TRAF3: variants seen among roughly 807,000 people sequenced by gnomAD.
TRAF3 encodes TNF receptor-associated factor 3.
TRAF3 carries 13 observed loss-of-function variants against 62.3 expected under a neutral mutation model. That is an observed-to-expected ratio of 0.21 (90% CI 0.14 to 0.33). The LOEUF is 0.33. Ranked by LOEUF, TRAF3 falls within the 10% of genes least tolerant of loss-of-function variation. The pLI is 1.00. For synonymous variants in TRAF3, 269 were observed against 283.4 expected (o/e 0.95, Z 0.51); for missense variants, 440 against 741.8 (o/e 0.59, Z 4.73).
intron 2 of TRAF3, among the ~76,000 whole-genome samples, chr14:102,860,651 G>A (rs1887627675): frequency 6.6e-6 from 1 of 152,162 alleles, no homozygotes; most frequent in Admixed American, 6.5e-5. Flanking sequence ...ATCAACAAAT[G>A]GCACAGGTCA....
At chr14:102,870,473 C>T in intron 3 of TRAF3, 27 bp downstream of exon 3, 1 of 1,610,600 alleles carries the variant, frequency 6.2e-7, no homozygotes, top group Non-Finnish European at 8.5e-7. Flanking sequence ...GGCCCGTCGC[C>T]CGGCCCCTTC....
chr14:102,892,426 A>G (rs1262347750), intron 9 of TRAF3, among the ~76,000 whole-genome samples: 3 of 152,176 alleles, frequency 2.0e-5, no homozygotes, highest in Non-Finnish European at 2.9e-5. Context: ...TCCTCCAGTA[A>G]TGCTGGTTCT....
intron 3 of TRAF3, 23 bp from the exon 4 acceptor site, chr14:102,871,894 C>T (rs371672851): frequency 9.9e-6 from 16 of 1,612,024 alleles, no homozygotes; most frequent in East Asian, 4.5e-5. Flanking sequence ...CACTCTAATG[C>T]AGTCACTTGT....
intron 1 of TRAF3, among the ~76,000 whole-genome samples, chr14:102,804,186 TA>T (rs1228321563): frequency 7.6e-5 from 11 of 144,812 alleles, no homozygotes; most frequent in Admixed American, 6.9e-5. Flanking sequence ...TGAGACTGTT[TA>T]AAAAAAAAAA....
intron 9 of TRAF3, among the ~76,000 whole-genome samples, chr14:102,892,037 C>T (rs1889747109): frequency 6.6e-6 from 1 of 151,386 alleles, no homozygotes; most frequent in South Asian, 2.1e-4. Flanking sequence ...AGAGACTCTC[C>T]CATGCTGTTC....
At chr14:102,802,015 CA>C (rs1159987063) in intron 1 of TRAF3, among the ~76,000 whole-genome samples, 3,642 of 109,260 alleles carry the variant, frequency 0.033, 67 homozygotes, top group South Asian at 0.051. Context: ...GACTCCATCT[CA>C]AAAAAAAAAA....
At chr14:102,787,660 C>T (rs144505509) in intron 1 of TRAF3, among the ~76,000 whole-genome samples, 21 of 152,210 alleles carry the variant, frequency 1.4e-4, no homozygotes, top group African/African-American at 5.1e-4. Flanking sequence ...GCACTGCAGC[C>T]TGGGTGACAG....
intron 1 of TRAF3, among the ~76,000 whole-genome samples, chr14:102,783,349 T>C (rs1897343112): frequency 6.6e-6 from 1 of 152,220 alleles, no homozygotes; most frequent in Admixed American, 6.5e-5. Flanking sequence ...TATTTGACAA[T>C]GTAATTTTCT....
Position 102,882,409 on chromosome 14 carries a change from G to T in TRAF3, c.571-3780G>T, listed in dbSNP as rs190786169. On this transcript the variant is annotated intron_variant, in intron 6 of 11. Coordinates refer to ENST00000392745, the MANE Select transcript of TRAF3 (RefSeq NM_145725.3). ...TGCAGACATTTCAGCAAGCACGCGTGTTTGGGGTCCTGCCAGTGCATCTGC... is the reference window on the plus strand; with the variant it reads ...TGCAGACATTTCAGCAAGCACGCGTTTTTGGGGTCCTGCCAGTGCATCTGC... 5.7e-3 allele frequency among the ~76,000 whole-genome samples: 866 copies of T among 152,260 alleles called. 7 individuals carry two copies. The highest frequency in any genetic ancestry group is 9.7e-3 in the Admixed American group (149 of 15,300).
chr14:102,813,691 T>C lies in TRAF3; in HGVS notation c.-156-16643T>C, dbSNP rs1268808317. Among the ~76,000 whole-genome samples, 3 of 151,690 alleles carry C rather than the reference T, an allele frequency of 2.0e-5. No homozygotes were observed. In the East Asian group the frequency reaches 5.9e-4, roughly 30 times the overall value. ...GTCTTGAACTCCTGACCTCAGTTGA[T>C]CCACCCGCCTCGGCCTCCCAAAGTG... On this transcript the variant is annotated intron_variant, in intron 1 of 11. Coordinates refer to ENST00000392745, the MANE Select transcript of TRAF3 (RefSeq NM_145725.3).
At chr14:102,861,144 G>A (rs1006003365) in intron 2 of TRAF3, among the ~76,000 whole-genome samples, 2 of 152,340 alleles carry the variant, frequency 1.3e-5, no homozygotes, top group African/African-American at 2.4e-5. Context: ...TTTTGGGAGC[G>A]TAGGGATCTT....
Position 102,871,771 on chromosome 14 carries a change from G to A in TRAF3, c.246-146G>A, listed in dbSNP as rs141250917. Reference sequence around the variant, plus strand: ...TTTCTCCCATGGCTTCCTATGTAAAGTGAATCACCAGGGCGTCCTGAAGCT... The same window carrying A: ...TTTCTCCCATGGCTTCCTATGTAAAATGAATCACCAGGGCGTCCTGAAGCT... On this transcript the variant is annotated intron_variant, in intron 3 of 11. Coordinates refer to ENST00000392745, the MANE Select transcript of TRAF3 (RefSeq NM_145725.3). 1,135 of 742,336 alleles carry A rather than the reference G, an allele frequency of 1.5e-3. 7 individuals are homozygous for A. The African/African-American group carries it at 0.018, about 12-fold the overall frequency. 46.0% of individuals were successfully genotyped at this position (742,336 alleles called of 1,614,324 possible). A position where few individuals can be genotyped will look rare whatever the true frequency, so the allele number is the denominator to read the frequency against.
At chr14:102,876,323 T>C (rs1034771087) in intron 5 of TRAF3, 35 bp from the exon 6 acceptor site, 15 of 1,612,324 alleles carry the variant, frequency 9.3e-6, no homozygotes, top group East Asian at 4.5e-5. Flanking sequence ...AGGGTTTTTT[T>C]CCCAATTAAG....
In TRAF3 at chr14:102,844,907, G is replaced by GT. The variant is rs959691645; in HGVS notation, c.-18+14443dup. Among the ~76,000 whole-genome samples, 20 of 150,672 alleles carry GT rather than the reference G, an allele frequency of 1.3e-4. No individual in the cohort carries two copies. In the South Asian group the frequency reaches 2.1e-3, roughly 16 times the overall value. On this transcript the variant is annotated intron_variant, in intron 2 of 11. Transcript: ENST00000392745. ...AAAAAAAAAATGTTGTTTTTGTTTT[G>GT]TTTTTTTTGAGACGGAGTCTCGCAC...
chr14:102,905,944 C>T lies in TRAF3; in HGVS notation c.*160C>T. On this transcript the variant is annotated 3_prime_UTR_variant, in exon 12 of 12. Coordinates refer to ENST00000392745, the MANE Select transcript of TRAF3 (RefSeq NM_145725.3). ...CGGCGGGAGGAGCCACGCGTGAGCA[C>T]ACCTGACACGTTTTATAATAGACTA... 1.6e-6 allele frequency: 1 copy of T among 610,376 alleles called. No homozygotes were observed. The allele number at this position is 610,376 out of a possible 1,614,324, so 37.8% of individuals were successfully genotyped here. A position where few individuals can be genotyped will look rare whatever the true frequency, so the allele number is the denominator to read the frequency against.
intron 1 of TRAF3, among the ~76,000 whole-genome samples, chr14:102,813,016 G>A (rs1487870127): frequency 2.0e-5 from 3 of 151,936 alleles, no homozygotes; most frequent in African/African-American, 4.8e-5. Flanking sequence ...TCGCTCTGTC[G>A]CCAGGTTGGA....
At chr14:102,872,435 GC>G (rs1888394209) in intron 4 of TRAF3, among the ~76,000 whole-genome samples, 1 of 152,266 alleles carries the variant, frequency 6.6e-6, no homozygotes, top group South Asian at 2.1e-4. Context: ...TGCCCCCCAG[GC>G]CCCCTGTGAT....
chr14:102,809,513 T>C (rs942561236), intron 1 of TRAF3, among the ~76,000 whole-genome samples: 1 of 150,138 alleles, frequency 6.7e-6, no homozygotes, highest in Admixed American at 6.6e-5. Context: ...TATAATAAAA[T>C]CTTTCACAGC....
rs183233815 is a variant in TRAF3, at chr14:102,826,098, G to A, written c.-156-4236G>A. Among the ~76,000 whole-genome samples the A allele has an allele frequency of 5.3e-5, 8 of 152,304 alleles. No individual in the cohort carries two copies. The highest frequency in any genetic ancestry group is 3.3e-4 in the Admixed American group (5 of 15,296). On this transcript the variant is annotated intron_variant, in intron 1 of 11. Transcript: ENST00000392745. The surrounding 1 kb of genome is among the most constrained non-coding windows in gnomAD (Gnocchi z 4.6). ...TGTAACTCGAATCCCTCCCACCCCCGTGAGGTAACAACGTCTTTTCCAGTT... is the reference window on the plus strand; with the variant it reads ...TGTAACTCGAATCCCTCCCACCCCCATGAGGTAACAACGTCTTTTCCAGTT...
Sources: gnomAD v4.1 joint callset for allele counts (sites outside exome capture counted in the v4.1 genomes callset) on GRCh38, gnomAD v4.1.1 for gene constraint, Gnocchi (gnomAD v3.1) non-coding constraint, MANE v1.5 for transcripts, NCBI Gene and HGNC (gene_info 2026-07-23, HGNC 2026-07-21) for gene names.